ANKS1B: variants seen among roughly 807,000 people sequenced by gnomAD.
ANKS1B encodes the protein ankyrin repeat and sterile alpha motif domain containing 1B, also known as ankyrin repeat and sterile alpha motif domain-containing protein 1B.
In ANKS1B, 36 loss-of-function variants were observed where a neutral mutation model predicts 148.3. The observed-to-expected ratio is 0.24, with a 90% CI of 0.19 to 0.32. The LOEUF is 0.32. Among genes scored for constraint, ANKS1B ranks in the 10% least tolerant of loss-of-function variants. The pLI is 1.00. For missense variants in ANKS1B, 1,157 were observed against 1,542.6 expected, an observed-to-expected ratio of 0.75 and a Z score of 4.19; for synonymous variants, 542 against 560.8, an observed-to-expected ratio of 0.97 and a Z score of 0.47.
chr12:99,662,430 A>G (rs1202279582), intron 8 of ANKS1B, among the ~76,000 whole-genome samples: 1 of 152,216 alleles, frequency 6.6e-6, no homozygotes, highest in East Asian at 1.9e-4. Context: ...GTTAGCTACC[A>G]AAGCCTGATA....
chr12:99,903,898 TA>T lies in ANKS1B; in HGVS notation c.135-78510del, dbSNP rs547387561. Among the ~76,000 whole-genome samples the T allele has an allele frequency of 2.1e-3, 321 of 151,076 alleles. 1 individual carries two copies. Among genetic ancestry groups the T allele is most frequent in the Middle Eastern group, 6.8e-3 (2 of 292 alleles). On this transcript the variant is annotated intron_variant, in intron 1 of 26. Coordinates refer to ENST00000683438, the MANE Select transcript of ANKS1B (RefSeq NM_001352186.2). ...CAATAACTTATAGAAAAATTAAAAA[TA>T]AAAAAAAATAAAAAGTTGCCAAGTG...
At chr12:98,927,038 C>A (rs1295570925) in intron 17 of ANKS1B, among the ~76,000 whole-genome samples, 3 of 152,088 alleles carry the variant, frequency 2.0e-5, no homozygotes, top group African/African-American at 7.2e-5. Flanking sequence ...CCAAGTAGGG[C>A]AAACTCAAAG....
At chr12:99,476,333 C>T (rs564135785) in intron 10 of ANKS1B, among the ~76,000 whole-genome samples, 37 of 152,184 alleles carry the variant, frequency 2.4e-4, no homozygotes, top group African/African-American at 8.7e-4. Flanking sequence ...GTGCAGGTTG[C>T]AGTGAGCAGA....
intron 17 of ANKS1B, among the ~76,000 whole-genome samples, chr12:99,045,430 T>C (rs1461973485): frequency 1.3e-5 from 2 of 152,188 alleles, no homozygotes; most frequent in Admixed American, 1.3e-4. Flanking sequence ...GATCAGGTCA[T>C]TCCGCTTATT....
chr12:98,848,970 C>T (rs2099504642), intron 17 of ANKS1B, among the ~76,000 whole-genome samples: 1 of 151,874 alleles, frequency 6.6e-6, no homozygotes, highest in East Asian at 1.9e-4. Context: ...AACTCCTGAC[C>T]TCAAGTGATC....
intron 17 of ANKS1B, among the ~76,000 whole-genome samples, chr12:99,029,534 A>C (rs1295892517): frequency 1.3e-5 from 2 of 152,360 alleles, no homozygotes; most frequent in African/African-American, 2.4e-5. Context: ...CAACAGCACA[A>C]TCTACAGTGA....
chr12:99,055,725 G>C lies in ANKS1B; in HGVS notation c.2626-2416C>G, dbSNP rs572309167. 4.5e-3 allele frequency among the ~76,000 whole-genome samples: 678 copies of C among 150,620 alleles called. 8 individuals are homozygous for C. The highest frequency in any genetic ancestry group is 0.015 in the African/African-American group (612 of 41,254). On this transcript the variant is annotated intron_variant, in intron 16 of 26. Coordinates refer to ENST00000683438, the MANE Select transcript of ANKS1B (RefSeq NM_001352186.2). ...CCCTTAGGGGAAGTCTAAACTTGGGGGGGGGGGAGGTGGTGAGGAAAATAA... is the reference window on the plus strand; with the variant it reads ...CCCTTAGGGGAAGTCTAAACTTGGGCGGGGGGGAGGTGGTGAGGAAAATAA...
chr12:99,773,236 C>A (rs1249920786), intron 7 of ANKS1B, 148 bp from the exon 8 acceptor site: 2 of 584,982 alleles, frequency 3.4e-6, no homozygotes, highest in Admixed American at 3.4e-5. Context: ...ACAAGGTACT[C>A]AACCATAATT....
chr12:99,796,058 A>C (rs2066214304), intron 4 of ANKS1B, among the ~76,000 whole-genome samples: 1 of 151,954 alleles, frequency 6.6e-6, no homozygotes, highest in Non-Finnish European at 1.5e-5. Context: ...GGAATATGCA[A>C]ATTGTCAGCA....
chr12:99,405,585 G>A (rs2094512459), intron 11 of ANKS1B, among the ~76,000 whole-genome samples: 1 of 144,868 alleles, frequency 6.9e-6, no homozygotes, highest in Non-Finnish European at 1.5e-5. Flanking sequence ...TACCAGCAGA[G>A]AAAATCTTCA....
chr12:99,570,555 G>A (rs903557230), intron 9 of ANKS1B, among the ~76,000 whole-genome samples: 2 of 151,148 alleles, frequency 1.3e-5, no homozygotes, highest in East Asian at 3.9e-4. Context: ...GCTGAGGCAG[G>A]AAAATGGCGT....
At chr12:99,561,533 G>A (rs1475187133) in intron 9 of ANKS1B, among the ~76,000 whole-genome samples, 1 of 152,030 alleles carries the variant, frequency 6.6e-6, no homozygotes, top group Non-Finnish European at 1.5e-5. Context: ...TTGCATGTAA[G>A]CATCCTCTAT....
At chr12:99,829,851 A>AAACAAG (rs1373678374) in intron 1 of ANKS1B, among the ~76,000 whole-genome samples, 3 of 152,146 alleles carry the variant, frequency 2.0e-5, no homozygotes, top group Non-Finnish European at 4.4e-5. Flanking sequence ...ACAAAAACAA[A>AAACAAG]AAAGGACCAG....
intron 9 of ANKS1B, among the ~76,000 whole-genome samples, chr12:99,604,645 T>C (rs1428714516): frequency 6.6e-6 from 1 of 151,446 alleles, no homozygotes; most frequent in Non-Finnish European, 1.5e-5. Context: ...TGAAACCCTG[T>C]CTCTACTAAA....
intron 12 of ANKS1B, among the ~76,000 whole-genome samples, chr12:99,324,118 G>A (rs988511449): frequency 6.6e-6 from 1 of 152,020 alleles, no homozygotes; most frequent in African/African-American, 2.4e-5. Context: ...AAGTTAATGA[G>A]CTATTTATTT....
chr12:99,534,775 T>C (rs2097047082), intron 9 of ANKS1B, among the ~76,000 whole-genome samples: 1 of 150,814 alleles, frequency 6.6e-6, no homozygotes, highest in African/African-American at 2.4e-5. Flanking sequence ...AGTGGCATTA[T>C]TTCGGCTCAC....
chr12:99,075,844 T>C (rs2047682382), intron 16 of ANKS1B, among the ~76,000 whole-genome samples: 1 of 148,390 alleles, frequency 6.7e-6, no homozygotes, highest in Admixed American at 6.8e-5. Flanking sequence ...TAATATATGT[T>C]TTATATTATA....
At chr12:99,446,128 G>T (rs1230928600) in intron 10 of ANKS1B, among the ~76,000 whole-genome samples, 1 of 151,916 alleles carries the variant, frequency 6.6e-6, no homozygotes, top group Non-Finnish European at 1.5e-5. Context: ...AAAAAAACAG[G>T]GTGGGGTGGG....
chr12:98,767,480 C>A (rs1166927168), intron 25 of ANKS1B, among the ~76,000 whole-genome samples: 3 of 152,208 alleles, frequency 2.0e-5, no homozygotes, highest in Admixed American at 6.5e-5. Context: ...ACCGTCTCAG[C>A]CTCGCCATGT....
Sources: allele counts gnomAD v4.1 joint callset (sites outside exome capture counted in the v4.1 genomes callset), GRCh38; gene constraint gnomAD v4.1.1; transcripts MANE v1.5; gene names NCBI Gene and HGNC (gene_info 2026-07-23, HGNC 2026-07-21).